The following SP100 variants were observed in gnomAD, a reference collection of about 807,000 sequenced individuals.
SP100 encodes the protein nuclear autoantigen Sp-100.
SP100 carries 84 observed loss-of-function variants against 130.0 expected under a neutral mutation model. The observed-to-expected ratio is 0.65, with a 90% CI of 0.54 to 0.77. The LOEUF is 0.77. Among genes scored for constraint, SP100 ranks in the 30% least tolerant of loss-of-function variants. The pLI, the probability that SP100 is intolerant of heterozygous loss-of-function variation, is 0.00. For synonymous variants in SP100, 331 were observed against 351.7 expected (o/e 0.94, Z 0.66); for missense variants, 978 against 1,052.2 (o/e 0.93, Z 0.97).
At chr2:230,461,843 G>T (rs2064657946) in intron 9 of SP100, among the ~76,000 whole-genome samples, 1 of 152,012 alleles carries the variant, frequency 6.6e-6, no homozygotes, top group Admixed American at 6.6e-5. Flanking sequence ...CAGCAACTTA[G>T]GAAGCTGAGG....
intron 4 of SP100, 24 bp downstream of exon 4, chr2:230,444,370 T>G: frequency 6.3e-7 from 1 of 1,598,508 alleles, no homozygotes; most frequent in Non-Finnish European, 8.6e-7. Context: ...TTATCTACCT[T>G]TTTATTTCCA....
intron 2 of SP100, among the ~76,000 whole-genome samples, chr2:230,433,725 T>A (rs2063164694): frequency 6.6e-6 from 1 of 151,812 alleles, no homozygotes; most frequent in Non-Finnish European, 1.5e-5. Context: ...TTTTTAAATG[T>A]TTTATTATTT....
chr2:230,442,862 A>G, intron 2 of SP100, 75 bp from the exon 3 acceptor site: 2 of 1,272,822 alleles, frequency 1.6e-6, no homozygotes, highest in South Asian at 1.3e-5. Context: ...TGTCCTTTAT[A>G]TGTAAACTCT....
chr2:230,444,396 A>G, intron 4 of SP100, 50 bp downstream of exon 4: 5 of 1,453,430 alleles, frequency 3.4e-6, no homozygotes, highest in Non-Finnish European at 4.8e-6. Flanking sequence ...AAGTTTTTTC[A>G]ATAAGTATAT....
At chr2:230,507,836 C>A (rs1388155242) in intron 22 of SP100, among the ~76,000 whole-genome samples, 157 bp from the exon 23 acceptor site, 2 of 151,990 alleles carry the variant, frequency 1.3e-5, no homozygotes, top group Non-Finnish European at 1.5e-5. Context: ...TCCTTGAATC[C>A]CTGGAGAATC....
intron 18 of SP100, among the ~76,000 whole-genome samples, chr2:230,497,904 T>A (rs1304866409): frequency 6.6e-6 from 1 of 152,200 alleles, no homozygotes; most frequent in African/African-American, 2.4e-5. Flanking sequence ...AAAGCCTTCA[T>A]TGAGGGCTAA....
At chr2:230,531,377 A>G (rs538316645) in intron 24 of SP100, among the ~76,000 whole-genome samples, 2 of 146,012 alleles carry the variant, frequency 1.4e-5, no homozygotes, top group South Asian at 2.4e-4. Context: ...ATGAGAACAC[A>G]TGGACACAGG....
At chr2:230,459,722 G>A (rs920329232) in intron 8 of SP100, among the ~76,000 whole-genome samples, 3 of 152,044 alleles carry the variant, frequency 2.0e-5, no homozygotes, top group East Asian at 1.9e-4. Context: ...TCCCCAGCAC[G>A]AACACCCTAA....
chr2:230,513,873 T>C (rs1301896404), intron 24 of SP100, among the ~76,000 whole-genome samples: 2 of 152,274 alleles, frequency 1.3e-5, no homozygotes, highest in African/African-American at 2.4e-5. Context: ...GTTGCGGTTT[T>C]CGCCATCAGA....
chr2:230,444,500 G>A (rs1430951642), intron 4 of SP100, among the ~76,000 whole-genome samples, 154 bp downstream of exon 4: 9 of 152,134 alleles, frequency 5.9e-5, no homozygotes. Flanking sequence ...CTTAGCTCAT[G>A]GCGTATGGCT....
At chr2:230,528,521 G>A (rs1167572574) in intron 24 of SP100, among the ~76,000 whole-genome samples, 1 of 144,940 alleles carries the variant, frequency 6.9e-6, no homozygotes, top group Non-Finnish European at 1.5e-5. Flanking sequence ...AAAAGAACTA[G>A]AGAAGCAAGA....
intron 19 of SP100, among the ~76,000 whole-genome samples, chr2:230,502,727 G>A (rs2067106835): frequency 6.6e-6 from 1 of 152,180 alleles, no homozygotes; most frequent in Non-Finnish European, 1.5e-5. Flanking sequence ...TAAGCATCGT[G>A]GCTGTAACCG....
chr2:230,530,859 C>T (rs1257662946), intron 24 of SP100, among the ~76,000 whole-genome samples: 2 of 152,098 alleles, frequency 1.3e-5, no homozygotes, highest in Admixed American at 6.5e-5. Flanking sequence ...CAAATGAAAA[C>T]CACAATGAGA....
chr2:230,524,508 C>T (rs1183322324), intron 24 of SP100, among the ~76,000 whole-genome samples: 1 of 152,012 alleles, frequency 6.6e-6, no homozygotes, highest in Non-Finnish European at 1.5e-5. Flanking sequence ...TGAAAATACC[C>T]ATGCAGTTAA....
At chr2:230,473,979 T>A (rs2065406605) in intron 16 of SP100, among the ~76,000 whole-genome samples, 1 of 152,172 alleles carries the variant, frequency 6.6e-6, no homozygotes, top group African/African-American at 2.4e-5. Flanking sequence ...ATAGTCCTGC[T>A]ACCTGTCAGG....
chr2:230,448,065 C>A (rs539166010), intron 5 of SP100, among the ~76,000 whole-genome samples: 1 of 152,110 alleles, frequency 6.6e-6, no homozygotes, highest in Admixed American at 6.5e-5. Context: ...GGAGCTCTGG[C>A]CAGGAGCAGG....
chr2:230,444,202 C>A lies in SP100; in HGVS notation c.295C>A (p.Leu99Met). 6.3e-7 allele frequency: 1 copy of A among 1,585,722 alleles called. No individual in the cohort carries two copies. Among genetic ancestry groups the A allele is most frequent in the Non-Finnish European group, 8.5e-7 (1 of 1,170,168 alleles). Residue 99 changes from leucine to methionine, a missense_variant, in exon 4 of 29, where the codon CTG becomes ATG. Physicochemically the swap from Leu to Met is conservative, Grantham distance 15. Transcript: ENST00000340126. The stretch of plus-strand genomic sequence containing the variant: ...GGATTCTCAAGATTCTTGTAGAAAC[C>A]TGGTCCCTGTACAGAGAGTGGTGTA... Reference protein sequence around the residue: ...FEDSQDSCRNLVPVQRVVYNV... With the variant: ...FEDSQDSCRNMVPVQRVVYNV...
chr2:230,541,080 T>A, intron 26 of SP100, 84 bp downstream of exon 26: 2 of 1,516,944 alleles, frequency 1.3e-6, no homozygotes, highest in Non-Finnish European at 1.8e-6. Flanking sequence ...GCTCAAGGAA[T>A]GGAGCCCAAA....
At chr2:230,472,663 T>C (rs992681987) in intron 15 of SP100, among the ~76,000 whole-genome samples, 1 of 151,730 alleles carries the variant, frequency 6.6e-6, no homozygotes, top group African/African-American at 2.4e-5. Context: ...GAGAGAAAAA[T>C]GGAGGCAAGA....
Sources: gnomAD v4.1 joint callset for allele counts (sites outside exome capture counted in the v4.1 genomes callset) on GRCh38, gnomAD v4.1.1 for gene constraint, MANE v1.5 for transcripts, NCBI Gene and HGNC (gene_info 2026-07-23, HGNC 2026-07-21) for gene names.